Variants in PALLD observed in about 807,000 individuals in gnomAD.
PALLD encodes palladin, cytoskeletal associated protein.
A neutral mutation model predicts 123.5 loss-of-function variants in PALLD; 61 were observed. The ratio of observed to expected loss-of-function variants is 0.49; its 90% confidence interval spans 0.40 to 0.61. The LOEUF (loss-of-function observed/expected upper bound fraction) is 0.61. Ranked by LOEUF, PALLD falls within the 20% of genes least tolerant of loss-of-function variation. The pLI is 0.00. For missense variants in PALLD, 1,273 were observed against 1,377.0 expected (o/e 0.92, Z 1.20); for synonymous variants, 465 against 496.4 (o/e 0.94, Z 0.84).
intron 10 of PALLD, among the ~76,000 whole-genome samples, chr4:168,812,924 G>C (rs568777654): frequency 2.0e-5 from 3 of 152,194 alleles, no homozygotes; most frequent in African/African-American, 7.2e-5. Flanking sequence ...AATTTGTACT[G>C]GTCCCCAGCC....
intron 6 of PALLD, among the ~76,000 whole-genome samples, chr4:168,686,359 A>G (rs1782048121): frequency 6.6e-6 from 1 of 152,052 alleles, no homozygotes; most frequent in South Asian, 2.1e-4. Context: ...ATTTGTCCTA[A>G]TGCTATCCCT....
chr4:168,586,706 G>T (rs933536196), intron 2 of PALLD, among the ~76,000 whole-genome samples: 1 of 152,046 alleles, frequency 6.6e-6, no homozygotes, highest in African/African-American at 2.4e-5. Flanking sequence ...GGTTCAAATG[G>T]GTCATGCTTT....
chr4:168,779,117 G>C (rs1735557068), intron 10 of PALLD, among the ~76,000 whole-genome samples: 1 of 152,144 alleles, frequency 6.6e-6, no homozygotes, highest in Non-Finnish European at 1.5e-5. Context: ...CTAGACATCA[G>C]AATATATCTT....
intron 2 of PALLD, among the ~76,000 whole-genome samples, chr4:168,586,362 C>T (rs191555808): frequency 1.6e-4 from 24 of 152,006 alleles, no homozygotes; most frequent in African/African-American, 5.5e-4. Context: ...TTTTACACAC[C>T]TTGTTACACC....
At chr4:168,715,307 A>G (rs972502200) in intron 10 of PALLD, among the ~76,000 whole-genome samples, 2 of 152,194 alleles carry the variant, frequency 1.3e-5, no homozygotes, top group African/African-American at 4.8e-5. Flanking sequence ...AATGTAGGCC[A>G]TTTGGTGAGT....
chr4:168,637,054 A>T (rs1222287004), intron 2 of PALLD, among the ~76,000 whole-genome samples: 1 of 152,106 alleles, frequency 6.6e-6, no homozygotes, highest in Admixed American at 6.5e-5. Flanking sequence ...CTCAGTAATG[A>T]TCTTAAAGTT....
chr4:168,761,645 G>GTTTTTTTTTTTTTGGTTTTT (rs1732878013), intron 10 of PALLD, among the ~76,000 whole-genome samples: 1 of 88,024 alleles, frequency 1.1e-5, no homozygotes. Context: ...GTTGTTGTTT[G>GTTTTTTTTTTTTTGGTTTTT]TTTTTTTTTT....
intron 2 of PALLD, among the ~76,000 whole-genome samples, chr4:168,563,311 G>A (rs1768046383): frequency 6.6e-6 from 1 of 152,152 alleles, no homozygotes; most frequent in Admixed American, 6.6e-5. Context: ...GCTTACATAA[G>A]GCAGTTAAAG....
chr4:168,837,841 T>G (rs1315199340), intron 10 of PALLD, among the ~76,000 whole-genome samples: 1 of 152,184 alleles, frequency 6.6e-6, no homozygotes, highest in African/African-American at 2.4e-5. Flanking sequence ...TGGACAAATA[T>G]GCCGAAATCC....
Position 168,615,527 on chromosome 4 carries a change from C to T in PALLD, c.909-52663C>T, listed in dbSNP as rs577670994. 2.6e-5 allele frequency among the ~76,000 whole-genome samples: 4 copies of T among 152,246 alleles called. No individual in the cohort carries two copies. The East Asian group carries it at 7.7e-4, about 29-fold the overall frequency. Reference sequence around the variant, plus strand: ...ACTGACATTACATTTCAACGGGGCACAAAGAGACAGGATTTACATTCCTTC... The same window carrying T: ...ACTGACATTACATTTCAACGGGGCATAAAGAGACAGGATTTACATTCCTTC... On this transcript the variant is annotated intron_variant, in intron 2 of 21. Transcript: ENST00000505667.
chr4:168,709,612 GAAGGAAGGAAGGAAGGAAGGAAGGAAGGA>G (rs571067921), intron 9 of PALLD, among the ~76,000 whole-genome samples: 608 of 1,538 alleles, frequency 0.4, 283 homozygotes, highest in African/African-American at 0.59. Flanking sequence ...GGGAGGGAGG[GAAGGAAGGAAGGAAGGAAGGAAGGAAGGA>G]AGGAAGGAAG....
At chr4:168,509,921 A>C (rs1762376907) in intron 1 of PALLD, among the ~76,000 whole-genome samples, 1 of 151,814 alleles carries the variant, frequency 6.6e-6, no homozygotes, top group South Asian at 2.1e-4. Flanking sequence ...AACCCCCTCG[A>C]CTCTTGCATA....
At chr4:168,848,396 T>C (rs1312416576) in intron 10 of PALLD, among the ~76,000 whole-genome samples, 2 of 152,162 alleles carry the variant, frequency 1.3e-5, no homozygotes, top group Non-Finnish European at 2.9e-5. Context: ...GCAAGAGCCA[T>C]TGTTCAGTGC....
chr4:168,534,891 TCCTAATACAA>T (rs1170050802), intron 2 of PALLD, among the ~76,000 whole-genome samples: 5 of 152,304 alleles, frequency 3.3e-5, no homozygotes, highest in Admixed American at 1.3e-4. Flanking sequence ...TGAGGATTAT[TCCTAATACAA>T]CCTAATACAA....
chr4:168,905,233 C>A (rs1447507597), intron 15 of PALLD, among the ~76,000 whole-genome samples: 1 of 135,242 alleles, frequency 7.4e-6, no homozygotes, highest in African/African-American at 2.7e-5. Flanking sequence ...TCACTGCAAG[C>A]TCCGCCTCCT....
intron 2 of PALLD, among the ~76,000 whole-genome samples, chr4:168,573,364 C>T (rs767583478): frequency 6.6e-6 from 1 of 151,954 alleles, no homozygotes; most frequent in Non-Finnish European, 1.5e-5. Flanking sequence ...TATTTACCTG[C>T]TTATGTGTTG....
intron 2 of PALLD, among the ~76,000 whole-genome samples, chr4:168,537,128 A>C (rs1476586356): frequency 6.6e-6 from 1 of 152,144 alleles, no homozygotes; most frequent in East Asian, 1.9e-4. Context: ...CCAGCGGAAA[A>C]GATTTTCTAG....
chr4:168,886,634 C>T (rs1753369445), intron 10 of PALLD, among the ~76,000 whole-genome samples: 1 of 152,058 alleles, frequency 6.6e-6, no homozygotes, highest in Non-Finnish European at 1.5e-5. Flanking sequence ...CAGAGCAAAA[C>T]CCAGTCTATA....
At chr4:168,523,334 G>A (rs1290428752) in intron 2 of PALLD, among the ~76,000 whole-genome samples, 1 of 151,966 alleles carries the variant, frequency 6.6e-6, no homozygotes, top group Non-Finnish European at 1.5e-5. Context: ...AAGATTAATG[G>A]TTCTTTTAAA....
Sources: gnomAD v4.1 joint callset for allele counts (sites outside exome capture counted in the v4.1 genomes callset) on GRCh38, gnomAD v4.1.1 for gene constraint, MANE v1.5 for transcripts, NCBI Gene and HGNC (gene_info 2026-07-23, HGNC 2026-07-21) for gene names.